The following PSD3 variants were observed in gnomAD, a reference collection of about 807,000 sequenced individuals.
PSD3 encodes pleckstrin and Sec7 domain containing 3.
PSD3 carries 49 observed loss-of-function variants against 105.5 expected under a neutral mutation model. The observed-to-expected ratio is 0.46, with a 90% CI of 0.37 to 0.59. The LOEUF (loss-of-function observed/expected upper bound fraction) is 0.59, where lower values mean the gene tolerates loss of function less well. Among genes scored for constraint, PSD3 ranks in the 20% least tolerant of loss-of-function variants. The pLI is 0.00. For synonymous variants in PSD3, 557 were observed against 457.8 expected (o/e 1.22, Z -2.77); for missense variants, 1,561 against 1,263.8 (o/e 1.24, Z -3.57).
At chr8:18,572,414 G>A in intron 14 of PSD3, 114 bp downstream of exon 14, 1 of 1,292,648 alleles carries the variant, frequency 7.7e-7, no homozygotes, top group Non-Finnish European at 1.1e-6. Flanking sequence ...GCTCTCACAG[G>A]GCAAGGTCTC....
At chr8:18,629,689 C>T in intron 11 of PSD3, among the ~76,000 whole-genome samples, 1 of 151,832 alleles carries the variant, frequency 6.6e-6, no homozygotes, top group African/African-American at 2.4e-5. Flanking sequence ...TCTGTCATAA[C>T]CGTCATAGGA....
chr8:18,928,912 G>A (rs1821560350), intron 2 of PSD3, among the ~76,000 whole-genome samples: 1 of 151,716 alleles, frequency 6.6e-6, no homozygotes, highest in African/African-American at 2.4e-5. Flanking sequence ...GAACTCCTGG[G>A]CTCAAACAGT....
chr8:18,559,876 G>T (rs911294976), intron 14 of PSD3, among the ~76,000 whole-genome samples: 6 of 152,032 alleles, frequency 3.9e-5, no homozygotes, highest in Non-Finnish European at 5.9e-5. Flanking sequence ...ACCAAGCTAT[G>T]GTACGTAAAT....
In PSD3 at chr8:18,740,260, G is replaced by T. The variant is rs558510857; in HGVS notation, c.2172+25189C>A. ...AGCTCCTGCTGTGTTAACTCAGCCTGGATCGCCCCCACACTGCTTTATGAG... is the reference window on the plus strand; with the variant it reads ...AGCTCCTGCTGTGTTAACTCAGCCTTGATCGCCCCCACACTGCTTTATGAG... On this transcript the variant is annotated intron_variant, in intron 9 of 15. Coordinates refer to ENST00000327040, the MANE Select transcript of PSD3 (RefSeq NM_015310.4). Among the ~76,000 whole-genome samples the T allele has an allele frequency of 4.6e-5, 7 of 152,256 alleles. No individual in the cohort carries two copies. The South Asian group carries it at 1.0e-3, about 23-fold the overall frequency.
rs563971258 is a variant in PSD3, at chr8:18,913,780, C to T, written c.130+22254G>A. On this transcript the variant is annotated intron_variant, in intron 2 of 15. Transcript: ENST00000327040. ...GTACAGGCCCAGGTACCAGGATGGT[C>T]CCCACAAACTAAAGATCCTACCTCT... 3.9e-5 allele frequency among the ~76,000 whole-genome samples: 6 copies of T among 152,032 alleles called. No homozygotes were observed. The South Asian group carries it at 1.0e-3, about 26-fold the overall frequency.
At chr8:18,919,977 G>A (rs1820895144) in intron 2 of PSD3, among the ~76,000 whole-genome samples, 1 of 145,198 alleles carries the variant, frequency 6.9e-6, no homozygotes, top group Admixed American at 7.1e-5. Context: ...ATGTGCACAT[G>A]TACCCTAAAA....
intron 11 of PSD3, among the ~76,000 whole-genome samples, chr8:18,600,864 A>G (rs1036939797): frequency 5.3e-5 from 8 of 152,216 alleles, no homozygotes; most frequent in South Asian, 2.1e-4. Flanking sequence ...CAGAGACTCT[A>G]GAAATCACGA....
intron 9 of PSD3, among the ~76,000 whole-genome samples, chr8:18,744,579 C>G (rs760588560): frequency 6.6e-6 from 1 of 152,092 alleles, no homozygotes; most frequent in African/African-American, 2.4e-5. Context: ...GTTTAACTAC[C>G]CAGCATCTTT....
chr8:18,680,050 C>T (rs11787358), intron 9 of PSD3, among the ~76,000 whole-genome samples: 123,259 of 152,166 alleles, frequency 0.81, 53,334 homozygotes, highest in Non-Finnish European at 0.97. Flanking sequence ...AACGGTATCA[C>T]GTAGTTTGGC....
chr8:18,907,201 A>G (rs1819903400), intron 2 of PSD3, among the ~76,000 whole-genome samples: 2 of 152,230 alleles, frequency 1.3e-5, no homozygotes, highest in South Asian at 2.1e-4. Context: ...CATAAAGTCT[A>G]CAACAGTGGA....
At chr8:18,603,431 T>G (rs904650084) in intron 11 of PSD3, among the ~76,000 whole-genome samples, 7 of 152,220 alleles carry the variant, frequency 4.6e-5, no homozygotes, top group Non-Finnish European at 1.0e-4. Flanking sequence ...CTTCTTGAAG[T>G]CTATCCTTTA....
chr8:18,727,631 A>C, intron 9 of PSD3, among the ~76,000 whole-genome samples: 2 of 149,842 alleles, frequency 1.3e-5, no homozygotes, highest in African/African-American at 4.9e-5. Context: ...CTCTGCCACA[A>C]CCCTCCCCTA....
rs147672397 is a variant in PSD3 at position 18,806,466 on chromosome 8, T to A, written c.1635-1568A>T. Among the ~76,000 whole-genome samples, 28 of 152,316 alleles carry A rather than the reference T, an allele frequency of 1.8e-4. No individual in the cohort carries two copies. In the East Asian group the frequency reaches 5.4e-3, roughly 29 times the overall value. On this transcript the variant is annotated intron_variant, in intron 4 of 15. Transcript: ENST00000327040. ...TAACAGTGAAACTAATGAGGATACA[T>A]TAATTTCCAAATCTTTATCTTAACT...
chr8:18,752,501 A>G (rs1346793267), intron 9 of PSD3, among the ~76,000 whole-genome samples: 1 of 88,652 alleles, frequency 1.1e-5, no homozygotes, highest in East Asian at 2.9e-4. Context: ...TAATATATAT[A>G]ATATATATAA....
At chr8:19,068,417 C>T (rs1478508077) in intron 1 of PSD3, among the ~76,000 whole-genome samples, 4 of 151,968 alleles carry the variant, frequency 2.6e-5, no homozygotes, top group African/African-American at 7.3e-5. Flanking sequence ...AGCCTCCTGA[C>T]AAGCTGGGAC....
intron 9 of PSD3, among the ~76,000 whole-genome samples, chr8:18,754,376 TC>T (rs1805856461): frequency 6.6e-6 from 1 of 152,132 alleles, no homozygotes; most frequent in South Asian, 2.1e-4. Context: ...AGGGTGAGAC[TC>T]CATCTCAAAA....
chr8:18,757,478 A>T (rs1424274837), intron 9 of PSD3, among the ~76,000 whole-genome samples: 1 of 152,150 alleles, frequency 6.6e-6, no homozygotes, highest in African/African-American at 2.4e-5. Flanking sequence ...AAACAAACAA[A>T]CAAACATTAA....
At chr8:18,719,231 A>C (rs141466752) in intron 9 of PSD3, among the ~76,000 whole-genome samples, 1 of 152,280 alleles carries the variant, frequency 6.6e-6, no homozygotes, top group Non-Finnish European at 1.5e-5. Flanking sequence ...TCAAAGTGAA[A>C]AGTTTCCTGG....
chr8:18,655,546 T>A, intron 10 of PSD3, 96 bp downstream of exon 10: 1 of 1,160,156 alleles, frequency 8.6e-7, no homozygotes, highest in Admixed American at 1.8e-5. Flanking sequence ...TGGCAATGCA[T>A]ATTTAATCCT....
Sources: allele counts gnomAD v4.1 joint callset (sites outside exome capture counted in the v4.1 genomes callset), GRCh38; gene constraint gnomAD v4.1.1; transcripts MANE v1.5; gene names NCBI Gene and HGNC (gene_info 2026-07-23, HGNC 2026-07-21).